Variants in UGT3A1 observed in about 807,000 individuals in gnomAD.
The protein encoded by UGT3A1 is UDP glycosyltransferase family 3 member A1.
UGT3A1 carries 40 observed loss-of-function variants against 37.6 expected under a neutral mutation model. That is an observed-to-expected ratio of 1.06 (90% CI 0.83 to 1.38). The LOEUF is 1.38. Among genes scored for constraint, UGT3A1 ranks in the 40% most tolerant of loss-of-function variants. UGT3A1 has a pLI of 0.00. For synonymous variants in UGT3A1, 256 were observed against 232.3 expected (o/e 1.10, Z -0.93); for missense variants, 642 against 634.2 (o/e 1.01, Z -0.13).
chr5:35,964,215 C>T (rs1157499396), intron 4 of UGT3A1, among the ~76,000 whole-genome samples: 1 of 152,152 alleles, frequency 6.6e-6, no homozygotes, highest in East Asian at 1.9e-4. Context: ...TTATTCTCTT[C>T]CTAACAATTT....
chr5:35,972,493 A>ATG (rs751886566), intron 2 of UGT3A1, among the ~76,000 whole-genome samples: 1 of 87,332 alleles, frequency 1.1e-5, no homozygotes, highest in Non-Finnish European at 2.4e-5. Context: ...TCCTTGAAAT[A>ATG]CGTGTGTGTG....
rs1739195270 is a variant in UGT3A1 at position 35,951,245 on chromosome 5, A to G, written c.*2957T>C. On this transcript the variant is annotated 3_prime_UTR_variant, in exon 7 of 7. Transcript: ENST00000274278. ...AACGTTTCCAAAATCCAAACTATGT[A>G]AAAACATAAACACATGGATCCTTCC... The G allele has an allele frequency of 6.6e-6, 1 of 152,158 alleles. No individual in the cohort carries two copies. The highest frequency in any genetic ancestry group is 1.5e-5 in the Non-Finnish European group (1 of 67,994). The allele number at this position is 152,158 out of a possible 1,614,324, so 9.4% of individuals were successfully genotyped here.
At chr5:35,990,895 C>T (rs1458927038) in intron 1 of UGT3A1, 14 of 1,318,816 alleles carry the variant, frequency 1.1e-5, no homozygotes, top group Admixed American at 6.3e-5. Context: ...TCCTGCGGGA[C>T]GGGGAGCGCG....
At chr5:35,999,528 C>T (rs145064965) in intron 1 of UGT3A1, among the ~76,000 whole-genome samples, 61 of 152,220 alleles carry the variant, frequency 4.0e-4, no homozygotes, top group African/African-American at 1.4e-3. Flanking sequence ...ACTTGACTCC[C>T]GAAACTAAAA....
chr5:35,970,516 G>A (rs1283135277), intron 2 of UGT3A1, among the ~76,000 whole-genome samples: 4 of 152,044 alleles, frequency 2.6e-5, no homozygotes, highest in Admixed American at 6.6e-5. Flanking sequence ...GTGGGAATTC[G>A]AGATAAGATT....
Position 35,954,424 on chromosome 5 carries a change from G to A in UGT3A1, c.1350C>T (p.Ser450=), listed in dbSNP as rs1561452533. Residue 450 remains serine (S), a synonymous_variant, in exon 7 of 7, where the codon AGC becomes AGT. Coordinates refer to ENST00000274278, the MANE Select transcript of UGT3A1 (RefSeq NM_152404.4). ...ASVILHSQPL[S]PAQRLVGWID... ...TCCAGCCCACCAGCCGCTGTGCGGG[G>A]CTCAGGGGCTGAGAGTGCAGGATGA... is the stretch of plus-strand genomic sequence containing the variant. 3 of 1,614,238 alleles carry A rather than the reference G, an allele frequency of 1.9e-6. No individual in the cohort carries two copies. The highest frequency in any genetic ancestry group is 2.2e-5 in the East Asian group (1 of 44,880).
chr5:35,964,240 A>G (rs1359304676), intron 4 of UGT3A1, among the ~76,000 whole-genome samples: 1 of 152,156 alleles, frequency 6.6e-6, no homozygotes, highest in Non-Finnish European at 1.5e-5. Context: ...AACTGCCCCA[A>G]TGCGAAGACC....
chr5:35,980,900 G>T (rs547583505), intron 2 of UGT3A1, among the ~76,000 whole-genome samples: 1 of 152,346 alleles, frequency 6.6e-6, no homozygotes, highest in South Asian at 2.1e-4. Context: ...CCCAGTGGCT[G>T]AATTAGAAAT....
intron 4 of UGT3A1, among the ~76,000 whole-genome samples, chr5:35,964,058 A>C (rs1739697753): frequency 6.6e-6 from 1 of 151,348 alleles, no homozygotes; most frequent in Non-Finnish European, 1.5e-5. Context: ...CAACAATATA[A>C]GTGTACTCAA....
At chr5:35,990,775 C>T (rs1367894804) in intron 1 of UGT3A1, among the ~76,000 whole-genome samples, 2 of 152,136 alleles carry the variant, frequency 1.3e-5, no homozygotes, top group African/African-American at 4.8e-5. Flanking sequence ...CTACTGTGCA[C>T]CTCCCGGCCC....
chr5:35,984,663 G>A (rs867571449), intron 2 of UGT3A1, among the ~76,000 whole-genome samples: 2 of 151,936 alleles, frequency 1.3e-5, no homozygotes, highest in African/African-American at 2.4e-5. Flanking sequence ...GGTAGAGACA[G>A]GGTTTCGCCA....
rs536491722 is a variant in UGT3A1, at chr5:35,966,945, A to T, written c.312-1028T>A. On this transcript the variant is annotated intron_variant, in intron 3 of 6. Transcript: ENST00000274278. ...GAAATTATCCACTATTTCATTTTTT[A>T]AAAAAAATTTTACATAAAGAATGAT... 3.8e-4 allele frequency among the ~76,000 whole-genome samples: 58 copies of T among 152,192 alleles called. 1 individual carries two copies. Among genetic ancestry groups the T allele is most frequent in the East Asian group, 1.7e-3 (9 of 5,184 alleles).
rs1208566831 is a variant in UGT3A1, at chr5:35,952,778, C to A, written c.*1424G>T. On this transcript the variant is annotated 3_prime_UTR_variant, in exon 7 of 7. Coordinates refer to ENST00000274278, the MANE Select transcript of UGT3A1 (RefSeq NM_152404.4). ...ACCTTGTATTATACGCACACAGATA[C>A]ACACACTCTAATGTACTTCTGCGTG... The A allele has an allele frequency of 6.6e-6, 1 of 152,178 alleles. No homozygotes were observed. Among genetic ancestry groups the A allele is most frequent in the Non-Finnish European group, 1.5e-5 (1 of 68,038 alleles). 9.4% of individuals were successfully genotyped at this position (152,178 alleles called of 1,614,324 possible).
intron 2 of UGT3A1, among the ~76,000 whole-genome samples, chr5:35,969,413 C>A (rs778474709): frequency 2.6e-5 from 4 of 152,134 alleles, no homozygotes; most frequent in Non-Finnish European, 5.9e-5. Context: ...TCTAACCTTG[C>A]TGATACTCAT....
Position 35,968,098 on chromosome 5 carries a change from T to G in UGT3A1, c.232A>C (p.Arg78=). 1 of 1,613,006 alleles carries G rather than the reference T, an allele frequency of 6.2e-7. No homozygotes were observed. The highest frequency in any genetic ancestry group is 8.5e-7 in the Non-Finnish European group (1 of 1,179,642). ...KEEEKSYQVI[R]WFSPEDHQKR... ...TGATGATCTTCAGGTGAAAACCACC[T>G]GATAACTTGGTATGATTTTTCCTCC... Residue 78 remains arginine, a synonymous_variant, in exon 3 of 7, where the codon AGG becomes CGG. Coordinates refer to ENST00000274278, the MANE Select transcript of UGT3A1 (RefSeq NM_152404.4).
chr5:35,953,881 G>A lies in UGT3A1; in HGVS notation c.*321C>T. On this transcript the variant is annotated 3_prime_UTR_variant, in exon 7 of 7. Transcript: ENST00000274278. ...TGAAAAGTGATAGAAGGAGAAATGG[G>A]GACTGGAAACTGGGAAGTCATCTAA... 2 of 264,396 alleles carry A rather than the reference G, an allele frequency of 7.6e-6. No individual in the cohort carries two copies. Among genetic ancestry groups the A allele is most frequent in the South Asian group, 2.0e-4 (2 of 9,796 alleles). 16.4% of individuals were successfully genotyped at this position (264,396 alleles called of 1,614,324 possible). A position where few individuals can be genotyped will look rare whatever the true frequency, so the allele number is the denominator to read the frequency against.
At chr5:35,960,668 G>A (rs1030422122) in intron 4 of UGT3A1, 1 of 152,174 alleles carries the variant, frequency 6.6e-6, no homozygotes, top group African/African-American at 2.4e-5. Context: ...ATCTACAGAC[G>A]GCTTAAGTGT....
intron 6 of UGT3A1, chr5:35,955,125 A>T (rs1739302652): frequency 6.0e-6 from 1 of 166,652 alleles, no homozygotes; most frequent in South Asian, 1.7e-4. Context: ...AAGTGTTAGG[A>T]AGGAAATAGT....
At chr5:35,990,878 G>T (rs1303865113) in intron 1 of UGT3A1, 3 of 1,251,668 alleles carry the variant, frequency 2.4e-6, no homozygotes, top group Non-Finnish European at 3.1e-6. Flanking sequence ...CAAATTTCTG[G>T]CCCCAGTCCT....
Sources: allele counts gnomAD v4.1 joint callset (sites outside exome capture counted in the v4.1 genomes callset), GRCh38; gene constraint gnomAD v4.1.1; transcripts MANE v1.5; gene names NCBI Gene and HGNC (gene_info 2026-07-23, HGNC 2026-07-21).